Variants in MRPS27 observed in about 807,000 individuals in gnomAD.
MRPS27 encodes the protein mitochondrial ribosomal protein S27.
Under a neutral mutation model 48.9 loss-of-function variants are expected in MRPS27, and 43 were observed. The ratio of observed to expected loss-of-function variants is 0.88; its 90% CI spans 0.69 to 1.13. The LOEUF (loss-of-function observed/expected upper bound fraction) is 1.13, where lower values mean the gene tolerates loss of function less well. Ranked by LOEUF, MRPS27 falls within the 50% of genes most tolerant of loss-of-function variation. The pLI, the probability that MRPS27 is intolerant of heterozygous loss-of-function variation, is 0.00. For synonymous variants in MRPS27, 188 were observed against 171.9 expected, an observed-to-expected ratio of 1.09 and a Z score of -0.73; for missense variants, 467 against 476.3, an observed-to-expected ratio of 0.98 and a Z score of 0.18.
intron 2 of MRPS27, among the ~76,000 whole-genome samples, chr5:72,303,269 T>C (rs1025213287): frequency 6.6e-6 from 1 of 152,156 alleles, no homozygotes; most frequent in Admixed American, 6.5e-5. Flanking sequence ...CATTTAAATA[T>C]ACATAGTTTA....
chr5:72,258,731 C>T (rs969996173), intron 4 of MRPS27, among the ~76,000 whole-genome samples: 1 of 152,108 alleles, frequency 6.6e-6, no homozygotes, highest in African/African-American at 2.4e-5. Flanking sequence ...TGTGTGTATG[C>T]CTTGATTTTG....
intron 7 of MRPS27, 162 bp from the exon 8 acceptor site, chr5:72,228,530 G>T: frequency 2.1e-6 from 1 of 465,296 alleles, no homozygotes; most frequent in Admixed American, 4.0e-5. Flanking sequence ...GGATTAAAAG[G>T]TACTTACGTC....
rs552734591 is a variant in MRPS27, at chr5:72,311,234, T to C, written c.151+2847A>G. Reference sequence around the variant, plus strand: ...GCTATGATTATACAATAGAATGTCCTTATCTCAGGTAATGTACATTGAAGT... The same window carrying C: ...GCTATGATTATACAATAGAATGTCCCTATCTCAGGTAATGTACATTGAAGT... On this transcript the variant is annotated intron_variant, in intron 2 of 10. Coordinates refer to ENST00000261413, the MANE Select transcript of MRPS27 (RefSeq NM_015084.3). 2.4e-3 allele frequency among the ~76,000 whole-genome samples: 358 copies of C among 152,294 alleles called. 1 individual carries two copies. Among genetic ancestry groups the C allele is most frequent in the African/African-American group, 8.3e-3 (346 of 41,554 alleles).
chr5:72,243,980 T>G (rs184239702), intron 4 of MRPS27, among the ~76,000 whole-genome samples: 119 of 152,328 alleles, frequency 7.8e-4, no homozygotes, highest in African/African-American at 2.7e-3. Context: ...GTAACCTCCT[T>G]GGGTCCCTTT....
chr5:72,280,791 A>G (rs1749514319), intron 4 of MRPS27, among the ~76,000 whole-genome samples: 1 of 152,246 alleles, frequency 6.6e-6, no homozygotes, highest in South Asian at 2.1e-4. Context: ...CTTATCAGAG[A>G]TCAGTTATGG....
chr5:72,228,178 T>TA, intron 8 of MRPS27, 88 bp downstream of exon 8: 1 of 1,199,736 alleles, frequency 8.3e-7, no homozygotes, highest in East Asian at 2.4e-5. Context: ...CTGGTAAATT[T>TA]AAATCAAATT....
At chr5:72,267,245 T>C (rs1320830692) in intron 4 of MRPS27, among the ~76,000 whole-genome samples, 2 of 152,228 alleles carry the variant, frequency 1.3e-5, no homozygotes, top group East Asian at 3.8e-4. Context: ...TGGACTGATA[T>C]TCTAAGTTCA....
intron 4 of MRPS27, among the ~76,000 whole-genome samples, chr5:72,292,397 A>C (rs1561357438): frequency 2.6e-5 from 4 of 152,120 alleles, no homozygotes; most frequent in Admixed American, 1.3e-4. Flanking sequence ...AAATAAAAGT[A>C]CTTAGAAATT....
At chr5:72,228,408 T>C (rs2111941408) in intron 7 of MRPS27, 40 bp from the exon 8 acceptor site, 1 of 1,380,850 alleles carries the variant, frequency 7.2e-7, no homozygotes, top group Non-Finnish European at 1.0e-6. Context: ...ATCTAAGCAA[T>C]GAGTACTTTA....
chr5:72,309,868 A>G (rs1389581393), intron 2 of MRPS27, among the ~76,000 whole-genome samples: 1 of 152,214 alleles, frequency 6.6e-6, no homozygotes, highest in East Asian at 1.9e-4. Context: ...TATTGGCCCT[A>G]CAGAGCATTT....
intron 4 of MRPS27, among the ~76,000 whole-genome samples, chr5:72,280,864 T>C (rs1749515973): frequency 6.6e-6 from 1 of 152,252 alleles, no homozygotes; most frequent in Admixed American, 6.5e-5. Flanking sequence ...TCACAGATAG[T>C]AAGCAGATCT....
intron 7 of MRPS27, 45 bp from the exon 8 acceptor site, chr5:72,228,413 A>G (rs1260033258): frequency 7.6e-7 from 1 of 1,318,668 alleles, no homozygotes; most frequent in Non-Finnish European, 1.1e-6. Context: ...AGCAATGAGT[A>G]CTTTATACAA....
At chr5:72,251,946 T>C (rs1158423516) in intron 4 of MRPS27, among the ~76,000 whole-genome samples, 1 of 152,234 alleles carries the variant, frequency 6.6e-6, no homozygotes, top group Non-Finnish European at 1.5e-5. Flanking sequence ...CACCTGTTCC[T>C]GCTCCCAACC....
intron 4 of MRPS27, among the ~76,000 whole-genome samples, chr5:72,280,969 C>T (rs188234327): frequency 2.0e-5 from 3 of 152,330 alleles, no homozygotes; most frequent in African/African-American, 7.2e-5. Context: ...GAAGCTTCCC[C>T]CAAAATGTGA....
At chr5:72,236,915 CT>C (rs1748211085) in intron 5 of MRPS27, among the ~76,000 whole-genome samples, 2 of 143,414 alleles carry the variant, frequency 1.4e-5, no homozygotes, top group Non-Finnish European at 3.1e-5. Context: ...TTTTTCTTTT[CT>C]TTTTTCCTTT....
At chr5:72,247,159 A>G (rs1357942735) in intron 4 of MRPS27, among the ~76,000 whole-genome samples, 1 of 152,180 alleles carries the variant, frequency 6.6e-6, no homozygotes, top group Non-Finnish European at 1.5e-5. Flanking sequence ...ATCATGTAAG[A>G]CAATAGGTAC....
chr5:72,311,157 A>T (rs1032229971), intron 2 of MRPS27, among the ~76,000 whole-genome samples: 2 of 152,268 alleles, frequency 1.3e-5, no homozygotes, highest in Non-Finnish European at 2.9e-5. Flanking sequence ...AAACTGGGAT[A>T]TGAATAGTAA....
chr5:72,278,312 G>A (rs999947993), intron 4 of MRPS27, among the ~76,000 whole-genome samples: 11 of 151,878 alleles, frequency 7.2e-5, no homozygotes, highest in Non-Finnish European at 1.2e-4. Context: ...GCATGGTGGC[G>A]AGCGCCTCTA....
At chr5:72,232,410 G>T in intron 7 of MRPS27, 33 bp downstream of exon 7, 1 of 1,545,256 alleles carries the variant, frequency 6.5e-7, no homozygotes. Flanking sequence ...CTTTTCTAAA[G>T]TTCTTAATAC....
Sources: gnomAD v4.1 joint callset for allele counts (sites outside exome capture counted in the v4.1 genomes callset) on GRCh38, gnomAD v4.1.1 for gene constraint, MANE v1.5 for transcripts, NCBI Gene and HGNC (gene_info 2026-07-23, HGNC 2026-07-21) for gene names.